Variants in TNS2 observed in about 807,000 individuals in gnomAD.
TNS2 encodes tensin 2.
In TNS2, 77 loss-of-function variants were observed where a neutral mutation model predicts 155.7. That is an observed-to-expected ratio of 0.49 (90% CI 0.41 to 0.60). TNS2 has a LOEUF of 0.60. Among genes scored for constraint, TNS2 ranks in the 20% least tolerant of loss-of-function variants. The pLI is 0.00. For missense variants in TNS2, 1,703 were observed against 1,868.8 expected (o/e 0.91, Z 1.64); for synonymous variants, 726 against 763.9 (o/e 0.95, Z 0.82).
chr12:53,048,854 A>C, upstream of TNS2: 2 of 253,504 alleles, frequency 7.9e-6, no homozygotes, highest in Non-Finnish European at 1.5e-5. Flanking sequence ...GCAGGAAGCA[A>C]GTAGAAGGGA....
At position 53,059,136 on chromosome 12, in the gene TNS2, C is replaced by T. The variant is rs1209451868; in HGVS notation, c.1495C>T (p.Pro499Ser). 3 of 1,592,098 alleles carry T rather than the reference C, an allele frequency of 1.9e-6. No homozygotes were observed. Among genetic ancestry groups the T allele is most frequent in the African/African-American group, 1.3e-5 (1 of 74,276 alleles). ...CCGGCAGACCCCCCCGGCACCCTCT[C>T]CAGAGCCTCCACCACCCCCCATGCT... is the stretch of plus-strand genomic sequence containing the variant. ...PPRQTPPAPS[P>S]EPPPPPMLSV... Residue 499 changes from proline to serine, a missense_variant, in exon 18 of 29, where the codon CCA becomes TCA. Pro to Ser is a moderately conservative substitution (Grantham distance 74). Transcript: ENST00000314250. This position sits in a 1 kb window ranked among gnomAD's most constrained non-coding sequence, Gnocchi z 4.7.
Position 53,057,007 on chromosome 12 carries a change from C to T in TNS2, c.762-6C>T. The T allele has an allele frequency of 6.2e-7, 1 of 1,612,652 alleles. No individual in the cohort carries two copies. Among genetic ancestry groups the T allele is most frequent in the Non-Finnish European group, 8.5e-7 (1 of 1,179,500 alleles). On this transcript the variant is annotated splice_region_variant and splice_polypyrimidine_tract_variant and intron_variant, in intron 10 of 28. Transcript: ENST00000314250. ...TAATCCCCAACACTGGCCTTGCTAT[C>T]CCCAGGGCGGACCAGGCACTGGCCA...
In TNS2 at chr12:53,058,465, C is replaced by G. The variant is rs1032074958; in HGVS notation, c.1225+20C>G. On this transcript the variant is annotated intron_variant, in intron 15 of 28. Coordinates refer to ENST00000314250, the MANE Select transcript of TNS2 (RefSeq NM_170754.4). ...GGACTGGTGAGTCTGAGACAAGTGGCCTGGGGCTGGAGTCCAGGTGGCAGG... is the reference window on the plus strand; with the variant it reads ...GGACTGGTGAGTCTGAGACAAGTGGGCTGGGGCTGGAGTCCAGGTGGCAGG... 2 of 1,613,960 alleles carry G rather than the reference C, an allele frequency of 1.2e-6. No individual in the cohort carries two copies. Among genetic ancestry groups the G allele is most frequent in the Non-Finnish European group, 8.5e-7 (1 of 1,179,964 alleles).
rs1446758320 is a variant in TNS2, at chr12:53,060,696, G to T, written c.2790G>T (p.Arg930Ser). 1.9e-6 allele frequency: 3 copies of T among 1,583,274 alleles called. No homozygotes were observed. In the South Asian group the frequency reaches 3.4e-5, roughly 18 times the overall value. The change falls in exon 20 of 29, where the codon AGG (arginine) becomes AGT (serine). Residue 930 changes from arginine (R) to serine (S), a missense_variant. Transcript: ENST00000314250. This position sits in a 1 kb window ranked among gnomAD's most constrained non-coding sequence, Gnocchi z 6.1. Reference sequence around the variant, plus strand: ...ACAGCACCCGGCGACAGGACACCAGGTCCCCCACCTCAGCGCCCACTCAGA... The same window carrying T: ...ACAGCACCCGGCGACAGGACACCAGTTCCCCCACCTCAGCGCCCACTCAGA... ...GKESTRRQDT[R>S]SPTSAPTQRL...
At chr12:53,047,366 C>A (rs1200051696), upstream of TNS2, among the ~76,000 whole-genome samples, 2 of 145,860 alleles carry the variant, frequency 1.4e-5, no homozygotes, top group African/African-American at 4.9e-5. Flanking sequence ...GCCGGGCGCC[C>A]CCCGCAGGTG....
At position 53,058,106 on chromosome 12, in the gene TNS2, AG is replaced by A. The variant is rs551067468; in HGVS notation, c.1095+10del. ...CCTCCTCAAAGGCGATGTCATGGTG[AG>A]GGGGGTCCTGTCAACAAGAAGAATC... On this transcript the variant is annotated splice_donor_5th_base_variant and intron_variant, in intron 14 of 28. Transcript: ENST00000314250. 119 of 1,613,986 alleles carry A rather than the reference AG, an allele frequency of 7.4e-5. No homozygotes were observed. Among genetic ancestry groups the A allele is most frequent in the South Asian group, 9.9e-5 (9 of 91,082 alleles).
intron 11 of TNS2, 57 bp from the exon 12 acceptor site, chr12:53,057,510 T>C: frequency 4.6e-6 from 6 of 1,297,856 alleles, no homozygotes; most frequent in Non-Finnish European, 5.5e-6. Context: ...GTTGAAATGA[T>C]ACAAGGTGAC....
rs1944240850 is a variant in TNS2 at position 53,058,436 on chromosome 12, G to A, written c.1216G>A (p.Ala406Thr). Reference protein sequence around the residue: ...LTFPKDQLDEAWTDERFPFQA... With the variant: ...LTFPKDQLDETWTDERFPFQA... ...TTTCCCCAAGGACCAGCTTGACGAG[G>A]CCTGGACTGGTGAGTCTGAGACAAG... The change falls in exon 15 of 29, where the codon GCC becomes ACC. Residue 406 changes from alanine to threonine, a missense_variant. Physicochemically the swap from Ala to Thr is moderately conservative, Grantham distance 58. Transcript: ENST00000314250. 6.2e-7 allele frequency: 1 copy of A among 1,614,038 alleles called. No homozygotes were observed. Among genetic ancestry groups the A allele is most frequent in the African/African-American group, 1.3e-5 (1 of 74,914 alleles).
chr12:53,059,640 G>C lies in TNS2; in HGVS notation c.1999G>C (p.Gly667Arg). 7 of 1,613,246 alleles carry C rather than the reference G, an allele frequency of 4.3e-6. No homozygotes were observed. Among genetic ancestry groups the C allele is most frequent in the Non-Finnish European group, 5.9e-6 (7 of 1,179,836 alleles). ...EMGKPATGDF[G>R]YRAPGYREVV... ...GGGGAAACCAGCCACTGGGGACTTT[G>C]GCTACCGCGCCCCAGGCTACCGGGA... Residue 667 changes from glycine to arginine, a missense_variant, in exon 18 of 29, where the codon GGC becomes CGC. Coordinates refer to ENST00000314250, the MANE Select transcript of TNS2 (RefSeq NM_170754.4). This position sits in a 1 kb window ranked among gnomAD's most constrained non-coding sequence, Gnocchi z 4.7.
chr12:53,058,305 C>A lies in TNS2; in HGVS notation c.1096-11C>A. 20 of 1,613,826 alleles carry A rather than the reference C, an allele frequency of 1.2e-5. No individual in the cohort carries two copies. Among genetic ancestry groups the A allele is most frequent in the Non-Finnish European group, 1.7e-5 (20 of 1,179,872 alleles). ...TGAGGCCTGATCCGCAGCCTCCTGC[C>A]TTTCTCCCAGGTAACATGTTATCAC... is the stretch of plus-strand genomic sequence containing the variant. On this transcript the variant is annotated splice_polypyrimidine_tract_variant and intron_variant, in intron 14 of 28. Transcript: ENST00000314250.
Position 53,063,454 on chromosome 12 carries a change from A to G in TNS2, c.4061+37A>G, listed in dbSNP as rs765040317. The stretch of plus-strand genomic sequence containing the variant: ...TCCAAACCCTTTGCCCCAAATCCCC[A>G]TGGTCCCACCAGGTCCCAGCTCCCA... On this transcript the variant is annotated intron_variant, in intron 27 of 28. Transcript: ENST00000314250. This position sits in a 1 kb window ranked among gnomAD's most constrained non-coding sequence, Gnocchi z 5.6. 3 of 1,612,470 alleles carry G rather than the reference A, an allele frequency of 1.9e-6. No homozygotes were observed. The highest frequency in any genetic ancestry group is 3.3e-5 in the Admixed American group (2 of 59,954).
Position 53,050,070 on chromosome 12 carries a change from G to T in TNS2, c.-116G>T. 1.3e-6 allele frequency: 2 copies of T among 1,527,518 alleles called. No individual in the cohort carries two copies. The highest frequency in any genetic ancestry group is 2.5e-5 in the East Asian group (1 of 40,636). 94.6% of individuals were successfully genotyped at this position (1,527,518 alleles called of 1,614,324 possible). A position where few individuals can be genotyped will look rare whatever the true frequency, so the allele number is the denominator to read the frequency against. On this transcript the variant is annotated 5_prime_UTR_variant, in exon 1 of 29. Coordinates refer to ENST00000314250, the MANE Select transcript of TNS2 (RefSeq NM_170754.4). The surrounding 1 kb of genome is among the most constrained non-coding windows in gnomAD (Gnocchi z 4.7). ...GGCTTCTCCTCACACCAGCCAGACA[G>T]CCTACCCTCCGCCCAGGGGAAGCGG...
In TNS2 at chr12:53,058,061, A is replaced by C. The variant is rs1045409167; in HGVS notation, c.1054A>C (p.Ile352Leu). The change falls in exon 14 of 29, where the codon ATC becomes CTC. Residue 352 changes from isoleucine (I) to leucine (L), a missense_variant. Ile to Leu is a conservative substitution (Grantham distance 5, BLOSUM62 2). Transcript: ENST00000314250. The part of the protein sequence containing the change: ...IAGPGPQQLC[I>L]SLEPALLLKG... The stretch of plus-strand genomic sequence containing the variant: ...AGGCCCTGGTCCCCAGCAGCTTTGC[A>C]TCAGCCTGGAGCCAGCCCTCCTCCT... 1 of 1,613,982 alleles carries C rather than the reference A, an allele frequency of 6.2e-7. No individual in the cohort carries two copies. Among genetic ancestry groups the C allele is most frequent in the African/African-American group, 1.3e-5 (1 of 74,898 alleles).
rs373468299 is a variant in TNS2, at chr12:53,059,662, G to A, written c.2021G>A (p.Arg674Gln). ...GDFGYRAPGY[R>Q]EVVILEDPGL... The stretch of plus-strand genomic sequence containing the variant: ...TTTGGCTACCGCGCCCCAGGCTACC[G>A]GGAGGTGGTCATCCTGGAGGACCCT... Residue 674 changes from arginine (R) to glutamine (Q), a missense_variant, in exon 18 of 29, where the codon CGG (arginine) becomes CAG (glutamine). By Grantham distance (43) the Arg-to-Gln change is conservative (BLOSUM62 1). Transcript: ENST00000314250. The surrounding 1 kb of genome is among the most constrained non-coding windows in gnomAD (Gnocchi z 4.7). 6.8e-6 allele frequency: 11 copies of A among 1,613,208 alleles called. No homozygotes were observed. Among genetic ancestry groups the A allele is most frequent in the South Asian group, 2.2e-5 (2 of 91,090 alleles).
chr12:53,059,342 A>G lies in TNS2; in HGVS notation c.1701A>G (p.Glu567=). ...AGRETAILDD[E]EQPTVGGGPH... is the part of the protein sequence containing the mutation. ...GCGAGACGGCCATCCTAGATGACGA[A>G]GAGCAGCCCACTGTGGGCGGAGGCC... The change falls in exon 18 of 29, where the codon GAA becomes GAG. Residue 567 remains glutamate (E), a synonymous_variant. Coordinates refer to ENST00000314250, the MANE Select transcript of TNS2 (RefSeq NM_170754.4). This position sits in a 1 kb window ranked among gnomAD's most constrained non-coding sequence, Gnocchi z 4.7. 1 of 1,443,376 alleles carries G rather than the reference A, an allele frequency of 6.9e-7. No homozygotes were observed. The highest frequency in any genetic ancestry group is 9.1e-7 in the Non-Finnish European group (1 of 1,098,912). The allele number at this position is 1,443,376 out of a possible 1,614,324, so 89.4% of individuals were successfully genotyped here. A position where few individuals can be genotyped will look rare whatever the true frequency, so the allele number is the denominator to read the frequency against.
At position 53,059,994 on chromosome 12, in the gene TNS2, G is replaced by A; in HGVS notation, c.2353G>A (p.Ala785Thr). 1 of 1,613,440 alleles carries A rather than the reference G, an allele frequency of 6.2e-7. No homozygotes were observed. The highest frequency in any genetic ancestry group is 8.5e-7 in the Non-Finnish European group (1 of 1,179,960). Residue 785 changes from alanine (A) to threonine (T), a missense_variant, in exon 18 of 29, where the codon GCC (alanine) becomes ACC (threonine). By Grantham distance (58) the Ala-to-Thr change is moderately conservative (BLOSUM62 0). Coordinates refer to ENST00000314250, the MANE Select transcript of TNS2 (RefSeq NM_170754.4). The surrounding 1 kb of genome is among the most constrained non-coding windows in gnomAD (Gnocchi z 4.7). ...CAGGTATGGGCATCCAGGGTACCCT[G>A]CCCTGGTGACATACAGCTATGGAGG... ...EGRYGHPGYP[A>T]LVTYSYGGAV...
intron 10 of TNS2, 37 bp from the exon 11 acceptor site, chr12:53,056,976 A>G: frequency 6.3e-7 from 1 of 1,589,388 alleles, no homozygotes; most frequent in Non-Finnish European, 8.6e-7. Context: ...GATGAAGATT[A>G]ATCCCTAATC....
intron 9 of TNS2, 40 bp downstream of exon 9, chr12:53,055,730 C>G (rs1390081276): frequency 1.2e-6 from 2 of 1,614,076 alleles, no homozygotes; most frequent in Non-Finnish European, 8.5e-7. Flanking sequence ...CTGGAGGTTC[C>G]AGGTCAGCCT....
chr12:53,060,040 C>G lies in TNS2; in HGVS notation c.2399C>G (p.Pro800Arg). ...GGAGGAGCAGTTCCCAGTTACTGCC[C>G]AGCATATGGCCGTGTGCCTCATAGC... ...SYGGAVPSYC[P>R]AYGRVPHSCG... The change falls in exon 18 of 29, where the codon CCA becomes CGA. Residue 800 changes from proline to arginine, a missense_variant. Pro to Arg is a moderately radical substitution (Grantham distance 103). Transcript: ENST00000314250. This position sits in a 1 kb window ranked among gnomAD's most constrained non-coding sequence, Gnocchi z 6.1. 3 of 1,613,504 alleles carry G rather than the reference C, an allele frequency of 1.9e-6. No homozygotes were observed. Among genetic ancestry groups the G allele is most frequent in the Non-Finnish European group, 2.5e-6 (3 of 1,179,930 alleles).
Sources: gnomAD v4.1 joint callset for allele counts (sites outside exome capture counted in the v4.1 genomes callset) on GRCh38, gnomAD v4.1.1 for gene constraint, Gnocchi (gnomAD v3.1) non-coding constraint, MANE v1.5 for transcripts, NCBI Gene and HGNC (gene_info 2026-07-23, HGNC 2026-07-21) for gene names.